Variants in INTS2 observed in about 807,000 individuals in gnomAD.
INTS2 encodes the protein integrator complex subunit 2.
A neutral mutation model predicts 139.6 loss-of-function variants in INTS2; 57 were observed. That is an observed-to-expected ratio of 0.41 (90% CI 0.33 to 0.51). The LOEUF (loss-of-function observed/expected upper bound fraction) is 0.51. INTS2 is among the 20% of genes least tolerant of loss of function. INTS2 has a pLI of 0.28. For synonymous variants in INTS2, 473 were observed against 493.4 expected (o/e 0.96, Z 0.55); for missense variants, 1,196 against 1,436.7 (o/e 0.83, Z 2.71).
intron 14 of INTS2, among the ~76,000 whole-genome samples, chr17:61,890,502 C>G (rs1203038056): frequency 6.6e-6 from 1 of 150,722 alleles, no homozygotes; most frequent in African/African-American, 2.4e-5. Context: ...CCCTGCTACT[C>G]GAGAGGCTGA....
At chr17:61,885,751 A>G in intron 15 of INTS2, among the ~76,000 whole-genome samples, 1 of 100,188 alleles carries the variant, frequency 1.0e-5, no homozygotes, top group Non-Finnish European at 1.9e-5. Context: ...TTTTTTTGAG[A>G]CAGAGTCTCG....
chr17:61,912,387 GT>G (rs573549910), intron 5 of INTS2, among the ~76,000 whole-genome samples: 1,240 of 14,926 alleles, frequency 0.083, 5 homozygotes, highest in Middle Eastern at 0.3. Context: ...GGGGGGGGGG[GT>G]GCGGGGCATG....
chr17:61,910,586 C>T (rs566986387), intron 7 of INTS2: 16 of 132,632 alleles, frequency 1.2e-4, no homozygotes, highest in African/African-American at 2.5e-4. Context: ...AGTGAGACGC[C>T]GTCTCAAAAA....
At chr17:61,890,684 C>T (rs948291845) in intron 14 of INTS2, among the ~76,000 whole-genome samples, 1 of 151,012 alleles carries the variant, frequency 6.6e-6, no homozygotes, top group Non-Finnish European at 1.5e-5. Context: ...CAAACCTATG[C>T]TGAATATCTT....
chr17:61,879,749 T>C (rs1180930933), intron 17 of INTS2, among the ~76,000 whole-genome samples: 1 of 151,846 alleles, frequency 6.6e-6, no homozygotes, highest in Non-Finnish European at 1.5e-5. Flanking sequence ...CTGGGGAAGC[T>C]GAGGCAGGAG....
At chr17:61,918,585 C>T (rs1201753557) in intron 5 of INTS2, among the ~76,000 whole-genome samples, 1 of 152,122 alleles carries the variant, frequency 6.6e-6, no homozygotes, top group East Asian at 1.9e-4. Context: ...AAGTGAATGA[C>T]AAAATCAGGA....
chr17:61,917,668 T>C (rs964179213), intron 5 of INTS2, among the ~76,000 whole-genome samples: 11 of 152,262 alleles, frequency 7.2e-5, no homozygotes, highest in Middle Eastern at 3.4e-3. Context: ...AACTACCTAT[T>C]GGGTACTATG....
rs930992309 is a variant in INTS2, at chr17:61,872,728, T to C, written c.2583-268A>G. Among the ~76,000 whole-genome samples, 10 of 152,072 alleles carry C rather than the reference T, an allele frequency of 6.6e-5. No individual in the cohort carries two copies. The highest frequency in any genetic ancestry group is 1.5e-4 in the Non-Finnish European group (10 of 68,002). On this transcript the variant is annotated intron_variant, in intron 19 of 24. Transcript: ENST00000251334. The surrounding 1 kb of genome is among the most constrained non-coding windows in gnomAD (Gnocchi z 4.8). ...AAATTCTAAAGAAAAGATGACCGGG[T>C]GCGGGCAAAACAATATTGCATGAAG...
At chr17:61,922,381 T>A (rs1214022830) in intron 3 of INTS2, among the ~76,000 whole-genome samples, 1 of 145,174 alleles carries the variant, frequency 6.9e-6, no homozygotes, top group Admixed American at 7.0e-5. Flanking sequence ...GGCAGGAGAA[T>A]CGCTTGAACC....
At position 61,869,830 on chromosome 17, in the gene INTS2, G is replaced by C; in HGVS notation, c.2937C>G (p.Leu979=). The part of the protein sequence containing the change: ...KGMEEGEDNL[L]CNLREVQCLI... ...GGCACTGAACTTCTCGAAGGTTACA[G>C]AGCAAATTGTCTTCTCCTTCCTCCA... Residue 979 remains leucine, a synonymous_variant, in exon 21 of 25, where the codon CTC becomes CTG. Coordinates refer to ENST00000251334, the MANE Select transcript of INTS2 (RefSeq NM_001351695.2). This position sits in a 1 kb window ranked among gnomAD's most constrained non-coding sequence, Gnocchi z 5.4. The C allele has an allele frequency of 1.2e-6, 2 of 1,613,926 alleles. No individual in the cohort carries two copies. Among genetic ancestry groups the C allele is most frequent in the Non-Finnish European group, 1.7e-6 (2 of 1,179,816 alleles).
At position 61,868,025 on chromosome 17, in the gene INTS2, G is replaced by T. The variant is rs921530482; in HGVS notation, c.3245-16C>A. 24 of 1,539,286 alleles carry T rather than the reference G, an allele frequency of 1.6e-5. No homozygotes were observed. Among genetic ancestry groups the T allele is most frequent in the Non-Finnish European group, 1.8e-5 (21 of 1,146,022 alleles). On this transcript the variant is annotated splice_polypyrimidine_tract_variant and intron_variant, in intron 23 of 24. Transcript: ENST00000251334. This position sits in a 1 kb window ranked among gnomAD's most constrained non-coding sequence, Gnocchi z 4.7. ...TGTGTTAAAACTGTTGGAAAAAAAT[G>T]AAACAATATTTTAGTTTACAAATAT...
At chr17:61,926,045 C>G (rs906828467) in intron 2 of INTS2, among the ~76,000 whole-genome samples, 1 of 151,744 alleles carries the variant, frequency 6.6e-6, no homozygotes, top group African/African-American at 2.4e-5. Flanking sequence ...AAAAAAAAAG[C>G]CTCCCAAGTG....
Position 61,872,187 on chromosome 17 carries a change from G to A in INTS2, c.2778+78C>T. On this transcript the variant is annotated intron_variant, in intron 20 of 24. Coordinates refer to ENST00000251334, the MANE Select transcript of INTS2 (RefSeq NM_001351695.2). The surrounding 1 kb of genome is among the most constrained non-coding windows in gnomAD (Gnocchi z 4.8). The stretch of plus-strand genomic sequence containing the variant: ...CACCAATGTACATGGAGCGCACAAT[G>A]TGCCATCTATTGAACTGATTATACT... The A allele has an allele frequency of 1.2e-6, 1 of 826,722 alleles. No individual in the cohort carries two copies. The allele number at this position is 826,722 out of a possible 1,614,324, so 51.2% of individuals were successfully genotyped here.
chr17:61,878,710 G>C (rs1412947257), intron 17 of INTS2, among the ~76,000 whole-genome samples: 1 of 152,052 alleles, frequency 6.6e-6, no homozygotes, highest in Non-Finnish European at 1.5e-5. Context: ...GGGAGGCTGA[G>C]GTAGGAGGAT....
rs2079735474 is a variant in INTS2, at chr17:61,927,926, AC to A, written c.-292del. The A allele has an allele frequency of 6.2e-7, 1 of 1,613,768 alleles. No homozygotes were observed. The highest frequency in any genetic ancestry group is 1.7e-5 in the Admixed American group (1 of 59,988). Reference sequence around the variant, plus strand: ...AAAGCGGGAGACTTTTTCAACCTGCACCCAGCACCTTCATTCATCCCCAGCG... The same window carrying A: ...AAAGCGGGAGACTTTTTCAACCTGCACCAGCACCTTCATTCATCCCCAGCG... On this transcript the variant is annotated 5_prime_UTR_variant, in exon 1 of 25. An upstream open reading frame in the 5' UTR gains an earlier in-frame stop. Coordinates refer to ENST00000251334, the MANE Select transcript of INTS2 (RefSeq NM_001351695.2).
Position 61,877,991 on chromosome 17 carries a change from C to T in INTS2, c.2352G>A (p.Val784=), listed in dbSNP as rs915167330. ...SASELIPYAE[V]LTSNMSQLLN... is the part of the protein sequence containing the mutation. ...ATAGCTGGCTCATATTGGATGTTAA[C>T]ACTTCCGCATATGGTATAAGTTCAC... is the stretch of plus-strand genomic sequence containing the variant. Residue 784 remains valine (V), a synonymous_variant, in exon 18 of 25, where the codon GTG becomes GTA. Coordinates refer to ENST00000251334, the MANE Select transcript of INTS2 (RefSeq NM_001351695.2). 4 of 1,612,016 alleles carry T rather than the reference C, an allele frequency of 2.5e-6. No individual in the cohort carries two copies. The African/African-American group carries it at 5.3e-5, about 22-fold the overall frequency.
At chr17:61,916,849 G>A (rs1405832430) in intron 5 of INTS2, among the ~76,000 whole-genome samples, 1 of 152,070 alleles carries the variant, frequency 6.6e-6, no homozygotes, top group Non-Finnish European at 1.5e-5. Flanking sequence ...ACTATCAACA[G>A]AGCAAACAAT....
intron 9 of INTS2, among the ~76,000 whole-genome samples, chr17:61,899,443 G>T (rs1045587615): frequency 6.6e-6 from 1 of 151,834 alleles, no homozygotes; most frequent in African/African-American, 2.4e-5. Flanking sequence ...GTAGAGACGG[G>T]GTTTCACCAT....
In INTS2 at chr17:61,889,206, C is replaced by T. The variant is rs138996160; in HGVS notation, c.1984+580G>A. Among the ~76,000 whole-genome samples the T allele has an allele frequency of 1.1e-3, 162 of 151,966 alleles. 1 individual carries two copies. The highest frequency in any genetic ancestry group is 3.7e-3 in the African/African-American group (154 of 41,482). ...GGTTCAAGGGATTCTCCTGCCTCAA[C>T]CTCCTGAGTAGCTGGGATTACAGGC... On this transcript the variant is annotated intron_variant, in intron 15 of 24. Coordinates refer to ENST00000251334, the MANE Select transcript of INTS2 (RefSeq NM_001351695.2).
Sources: allele counts gnomAD v4.1 joint callset (sites outside exome capture counted in the v4.1 genomes callset), GRCh38; gene constraint gnomAD v4.1.1; non-coding constraint Gnocchi (gnomAD v3.1); transcripts MANE v1.5; gene names NCBI Gene and HGNC (gene_info 2026-07-23, HGNC 2026-07-21).